Variants in ARMC3 observed in about 807,000 individuals in gnomAD.
ARMC3 encodes armadillo repeat-containing protein 3.
In ARMC3, 74 loss-of-function variants were observed where a neutral mutation model predicts 90.3. The observed-to-expected ratio is 0.82, with a 90% CI of 0.68 to 0.99. The LOEUF is 0.99. Among genes scored for constraint, ARMC3 ranks in the 50% least tolerant of loss-of-function variants. The pLI, the probability that ARMC3 is intolerant of heterozygous loss-of-function variation, is 0.00. For synonymous variants in ARMC3, 334 were observed against 361.8 expected (o/e 0.92, Z 0.87); for missense variants, 958 against 1,042.8 (o/e 0.92, Z 1.12).
intron 7 of ARMC3, among the ~76,000 whole-genome samples, chr10:22,966,053 G>A (rs913053557): frequency 2.6e-5 from 4 of 152,184 alleles, no homozygotes; most frequent in Non-Finnish European, 5.9e-5. Context: ...ACTTTCTAGT[G>A]ATTCCAGATT....
At chr10:22,991,948 T>C (rs1288999168) in intron 10 of ARMC3, among the ~76,000 whole-genome samples, 3 of 152,176 alleles carry the variant, frequency 2.0e-5, no homozygotes, top group African/African-American at 7.2e-5. Context: ...ACAGAAACAT[T>C]TGGTAGCTGC....
At chr10:22,959,871 A>G (rs1835118211) in intron 6 of ARMC3, 1 of 489,958 alleles carries the variant, frequency 2.0e-6, no homozygotes. Context: ...GAAATCTAAT[A>G]TGTGGAAACT....
intron 10 of ARMC3, among the ~76,000 whole-genome samples, chr10:22,992,294 C>G (rs1249057671): frequency 6.6e-6 from 1 of 152,198 alleles, no homozygotes; most frequent in East Asian, 1.9e-4. Flanking sequence ...TCATGCTGTT[C>G]TCTTTGAGAG....
At position 22,932,033 on chromosome 10, in the gene ARMC3, C is replaced by G. The variant is rs779874286; in HGVS notation, c.37C>G (p.Pro13Ala). The part of the protein sequence containing the change: ...KKIKKEVEPP[P>A]KDVFDPLMIE... ...GATAAAGAAGGAAGTAGAGCCTCCT[C>G]CTAAGGATGTGGTAAGTTTCTGATT... The change falls in exon 2 of 19, where the codon CCT (proline) becomes GCT (alanine). Residue 13 changes from proline (P) to alanine (A), a missense_variant. Pro to Ala is a conservative substitution (Grantham distance 27). Coordinates refer to ENST00000298032, the MANE Select transcript of ARMC3 (RefSeq NM_173081.5). 13 of 1,600,588 alleles carry G rather than the reference C, an allele frequency of 8.1e-6. No homozygotes were observed. The highest frequency in any genetic ancestry group is 1.1e-5 in the Non-Finnish European group (13 of 1,176,082).
intron 3 of ARMC3, among the ~76,000 whole-genome samples, chr10:22,954,596 G>T (rs1424596991): frequency 6.7e-6 from 1 of 150,320 alleles, no homozygotes. Flanking sequence ...CGCTTGAGCC[G>T]AGGAGGTCGA....
chr10:22,949,062 G>T (rs118141186), intron 3 of ARMC3, among the ~76,000 whole-genome samples: 1 of 152,252 alleles, frequency 6.6e-6, no homozygotes, highest in Non-Finnish European at 1.5e-5. Flanking sequence ...ACACAGAGGA[G>T]TCTTGCCTCA....
intron 18 of ARMC3, among the ~76,000 whole-genome samples, chr10:23,036,078 G>A (rs766089613): frequency 3.9e-5 from 6 of 152,138 alleles, no homozygotes; most frequent in South Asian, 2.1e-4. Flanking sequence ...TCTATAAAAC[G>A]GGGAAAACAA....
chr10:22,959,113 T>C lies in ARMC3; in HGVS notation c.336T>C (p.Ser112=), dbSNP rs1433546108. ...KLLRELDVMN[S]VIAQLAPEEE... is the part of the protein sequence containing the mutation. Reference sequence around the variant, plus strand: ...TAAGGGAGTTAGATGTCATGAATTCTGTCATTGCCCAGCTCGCTCCAGAAG... The same window carrying C: ...TAAGGGAGTTAGATGTCATGAATTCCGTCATTGCCCAGCTCGCTCCAGAAG... The change falls in exon 5 of 19, where the codon TCT becomes TCC. Residue 112 remains serine, a synonymous_variant. Transcript: ENST00000298032. 2.5e-6 allele frequency: 4 copies of C among 1,613,590 alleles called. No homozygotes were observed. The highest frequency in any genetic ancestry group is 2.2e-5 in the East Asian group (1 of 44,880).
chr10:22,984,779 A>G (rs1200266322), intron 10 of ARMC3, among the ~76,000 whole-genome samples: 1 of 152,168 alleles, frequency 6.6e-6, no homozygotes, highest in African/African-American at 2.4e-5. Flanking sequence ...ACTCAAGTTT[A>G]GTGGATTTTT....
chr10:22,966,975 T>C (rs2131284602), intron 7 of ARMC3, among the ~76,000 whole-genome samples: 1 of 150,518 alleles, frequency 6.6e-6, no homozygotes, highest in Admixed American at 6.6e-5. Flanking sequence ...AGCCAAACCA[T>C]ATCAATGGGT....
chr10:22,930,456 G>C (rs1260581062), intron 1 of ARMC3, among the ~76,000 whole-genome samples: 1 of 152,120 alleles, frequency 6.6e-6, no homozygotes, highest in East Asian at 1.9e-4. Context: ...AAGTTTTTAT[G>C]ATGCAAATGA....
chr10:23,002,090 T>C (rs761714841), intron 12 of ARMC3, 35 bp downstream of exon 12: 5 of 1,608,460 alleles, frequency 3.1e-6, no homozygotes, highest in Non-Finnish European at 4.2e-6. Context: ...CTGGCTCAGA[T>C]GAAGAGCAGA....
intron 8 of ARMC3, among the ~76,000 whole-genome samples, chr10:22,976,872 G>A (rs923577543): frequency 6.6e-6 from 1 of 152,146 alleles, no homozygotes; most frequent in Non-Finnish European, 1.5e-5. Flanking sequence ...ATTGCAGGGA[G>A]TTCACGGACT....
In ARMC3 at chr10:22,959,511, A is replaced by G; in HGVS notation, c.474A>G (p.Leu158=). ...GGGGATTAGAGCCACTCATCAGACTACTGAGTAGCCCTGACCCGGATGTAA... is the reference window on the plus strand; with the variant it reads ...GGGGATTAGAGCCACTCATCAGACTGCTGAGTAGCCCTGACCCGGATGTAA... ...EHGGLEPLIR[L]LSSPDPDVKK... is the part of the protein sequence containing the mutation. Residue 158 remains leucine, a synonymous_variant, in exon 6 of 19, where the codon CTA becomes CTG. Transcript: ENST00000298032. 1.2e-6 allele frequency: 2 copies of G among 1,614,032 alleles called. No individual in the cohort carries two copies. The highest frequency in any genetic ancestry group is 1.7e-6 in the Non-Finnish European group (2 of 1,179,946).
At chr10:22,996,741 A>G (rs1173176359) in intron 10 of ARMC3, among the ~76,000 whole-genome samples, 16 of 152,182 alleles carry the variant, frequency 1.1e-4, no homozygotes, top group Non-Finnish European at 2.9e-5. Context: ...GCCTGCTTAC[A>G]CCTATGGCTA....
chr10:23,014,329 T>C, intron 16 of ARMC3: 1 of 1,375,676 alleles, frequency 7.3e-7, no homozygotes, highest in Non-Finnish European at 9.4e-7. Flanking sequence ...GTGCGTCCCT[T>C]CTCTCTTCCC....
At chr10:23,016,891 C>T (rs745789895) in intron 16 of ARMC3, among the ~76,000 whole-genome samples, 1 of 152,176 alleles carries the variant, frequency 6.6e-6, no homozygotes, top group South Asian at 2.1e-4. Context: ...TGAATAGTCA[C>T]TCTATTCAGT....
intron 12 of ARMC3, 99 bp downstream of exon 12, chr10:23,002,154 GCT>G: frequency 6.8e-7 from 1 of 1,477,816 alleles, no homozygotes; most frequent in Non-Finnish European, 9.0e-7. Context: ...AGTCTCCGCT[GCT>G]CTCTCAGTCC....
chr10:23,008,731 C>A (rs1837764905), intron 15 of ARMC3, 84 bp from the exon 16 acceptor site: 6 of 1,120,072 alleles, frequency 5.4e-6, no homozygotes, highest in Non-Finnish European at 7.8e-6. Context: ...AGTAAAAATG[C>A]CTTGTAAGCT....
Sources: allele counts gnomAD v4.1 joint callset (sites outside exome capture counted in the v4.1 genomes callset), GRCh38; gene constraint gnomAD v4.1.1; transcripts MANE v1.5; gene names NCBI Gene and HGNC (gene_info 2026-07-23, HGNC 2026-07-21).